The following TBCK variants were observed in gnomAD, a reference collection of about 807,000 sequenced individuals.
TBCK encodes the protein TBC1 domain containing kinase.
In TBCK, 99 loss-of-function variants were observed where a neutral mutation model predicts 113.4. The ratio of observed to expected loss-of-function variants is 0.87; its 90% CI spans 0.74 to 1.03. The LOEUF (loss-of-function observed/expected upper bound fraction) is 1.03. Ranked by LOEUF, TBCK falls within the 50% of genes least tolerant of loss-of-function variation. The pLI, the probability that TBCK is intolerant of heterozygous loss-of-function variation, is 0.00. For synonymous variants in TBCK, 369 were observed against 370.8 expected, an observed-to-expected ratio of 1.00 and a Z score of 0.05; for missense variants, 1,045 against 1,061.3, an observed-to-expected ratio of 0.98 and a Z score of 0.21.
intron 3 of TBCK, among the ~76,000 whole-genome samples, chr4:106,285,380 G>A (rs1193564231): frequency 1.3e-5 from 2 of 151,894 alleles, no homozygotes; most frequent in Non-Finnish European, 2.9e-5. Flanking sequence ...GGAGCTTCAC[G>A]ATAGGCTTAA....
At chr4:106,205,587 C>CAAAAAAAAAAAAAAA (rs70941240) in intron 20 of TBCK, among the ~76,000 whole-genome samples, 2 of 64,198 alleles carry the variant, frequency 3.1e-5, no homozygotes, top group African/African-American at 1.2e-4. Flanking sequence ...ACTAAAAATA[C>CAAAAAAAAAAAAAAA]AAAAAAAAAA....
In TBCK at chr4:106,251,834, C is replaced by A. The variant is rs764840127; in HGVS notation, c.597+32G>T. On this transcript the variant is annotated intron_variant, in intron 6 of 25. Transcript: ENST00000394708. ...ATTATTCCAATAAATGCACAATTTC[C>A]TTTTATTATATTAATATTTCTTTAT... is the stretch of plus-strand genomic sequence containing the variant. 1.8e-5 allele frequency: 26 copies of A among 1,444,278 alleles called. No individual in the cohort carries two copies. The Admixed American group carries it at 5.5e-4, about 31-fold the overall frequency. The allele number at this position is 1,444,278 out of a possible 1,614,324, so 89.5% of individuals were successfully genotyped here.
At chr4:106,168,515 T>C (rs946413584) in intron 23 of TBCK, among the ~76,000 whole-genome samples, 1 of 151,720 alleles carries the variant, frequency 6.6e-6, no homozygotes, top group African/African-American at 2.4e-5. Context: ...ACAAAGAAAA[T>C]AAGAGGTGTA....
chr4:106,236,788 T>G lies in TBCK; in HGVS notation c.1191A>C (p.Gly397=). 1 of 1,518,468 alleles carries G rather than the reference T, an allele frequency of 6.6e-7. No individual in the cohort carries two copies. Among genetic ancestry groups the G allele is most frequent in the Non-Finnish European group, 8.8e-7 (1 of 1,132,366 alleles). 94.1% of individuals were successfully genotyped at this position (1,518,468 alleles called of 1,614,324 possible). A position where few individuals can be genotyped will look rare whatever the true frequency, so the allele number is the denominator to read the frequency against. The change falls in exon 13 of 26, where the codon GGA becomes GGC. Residue 397 remains glycine, a synonymous_variant. Transcript: ENST00000394708. ...CTTCAAGTAATGGGTAAAATGCTTC[T>G]CCACCAACATCTTTCAATCTCTGTG... ...QLRNRLKDVG[G]EAFYPLLEDD...
At chr4:106,105,712 C>A (rs1742070176) in intron 24 of TBCK, among the ~76,000 whole-genome samples, 1 of 152,186 alleles carries the variant, frequency 6.6e-6, no homozygotes, top group South Asian at 2.1e-4. Flanking sequence ...AGACTCTATA[C>A]AAATACTCAT....
intron 23 of TBCK, among the ~76,000 whole-genome samples, chr4:106,151,356 C>G (rs1748465600): frequency 6.6e-6 from 1 of 151,918 alleles, no homozygotes; most frequent in Admixed American, 6.6e-5. Flanking sequence ...ACACACCCCA[C>G]CCCCACTACC....
chr4:106,219,489 T>G (rs1399470144), intron 19 of TBCK, among the ~76,000 whole-genome samples: 1 of 152,022 alleles, frequency 6.6e-6, no homozygotes, highest in Non-Finnish European at 1.5e-5. Flanking sequence ...AAAAATATAT[T>G]TTGTTGATTC....
Position 106,251,982 on chromosome 4 carries a change from C to T in TBCK, c.481G>A (p.Val161Ile). Residue 161 changes from valine (V) to isoleucine (I), a missense_variant, in exon 6 of 26, where the codon GTA (valine) becomes ATA (isoleucine). Physicochemically the swap from Val to Ile is conservative, Grantham distance 29. Coordinates refer to ENST00000394708, the MANE Select transcript of TBCK (RefSeq NM_001163435.3). The stretch of plus-strand genomic sequence containing the variant: ...GTTTTGAAAATTCCCTGTGCAATTA[C>T]CTCAGGGGCCAAGTACGAGGGATAC... Reference protein sequence around the residue: ...IGYPSYLAPEVIAQGIFKTTD... With the variant: ...IGYPSYLAPEIIAQGIFKTTD... 6.2e-7 allele frequency: 1 copy of T among 1,610,160 alleles called. No individual in the cohort carries two copies. Among genetic ancestry groups the T allele is most frequent in the South Asian group, 1.1e-5 (1 of 90,440 alleles).
At chr4:106,294,871 A>G (rs957695060) in intron 3 of TBCK, among the ~76,000 whole-genome samples, 1 of 152,130 alleles carries the variant, frequency 6.6e-6, no homozygotes, top group Non-Finnish European at 1.5e-5. Flanking sequence ...ATTTTTTGTG[A>G]AATATTTCAG....
intron 22 of TBCK, among the ~76,000 whole-genome samples, chr4:106,180,438 A>G (rs1752218934): frequency 6.6e-6 from 1 of 151,608 alleles, no homozygotes; most frequent in Non-Finnish European, 1.5e-5. Flanking sequence ...CAGAATGTGC[A>G]GTTTTGTTAC....
chr4:106,171,295 C>G lies in TBCK; in HGVS notation c.2060-25G>C, dbSNP rs372716686. On this transcript the variant is annotated intron_variant, in intron 22 of 25. Coordinates refer to ENST00000394708, the MANE Select transcript of TBCK (RefSeq NM_001163435.3). ...TCTAGATAGAAATGTTTTAAAAAAG[C>G]AAATGTATAGAATTTAGATTGCTCT... 76 of 1,571,870 alleles carry G rather than the reference C, an allele frequency of 4.8e-5. No homozygotes were observed. In the African/African-American group the frequency reaches 9.4e-4, roughly 19 times the overall value.
At chr4:106,087,958 A>T (rs1234852974) in intron 25 of TBCK, among the ~76,000 whole-genome samples, 2 of 152,220 alleles carry the variant, frequency 1.3e-5, no homozygotes, top group Admixed American at 6.5e-5. Flanking sequence ...TTAACTCAAG[A>T]TGGATTAAAG....
At chr4:106,173,117 T>A (rs1032953009) in intron 22 of TBCK, among the ~76,000 whole-genome samples, 4 of 152,166 alleles carry the variant, frequency 2.6e-5, no homozygotes, top group Non-Finnish European at 5.9e-5. Flanking sequence ...TTTCATCACC[T>A]CATATGCTAT....
In TBCK at chr4:106,046,697, G is replaced by A; in HGVS notation, c.2572-17C>T. The A allele has an allele frequency of 2.0e-6, 3 of 1,466,306 alleles. No individual in the cohort carries two copies. The highest frequency in any genetic ancestry group is 9.5e-7 in the Non-Finnish European group (1 of 1,052,296). 90.8% of individuals were successfully genotyped at this position (1,466,306 alleles called of 1,614,324 possible). ...AGCTGCAAACTGGAAAAAAAAAGAG[G>A]CAAAATTTTTAGAGGATATACAGAA... On this transcript the variant is annotated splice_polypyrimidine_tract_variant and intron_variant, in intron 25 of 25. Coordinates refer to ENST00000394708, the MANE Select transcript of TBCK (RefSeq NM_001163435.3).
chr4:106,077,987 AT>A (rs746954160), intron 25 of TBCK, among the ~76,000 whole-genome samples: 3 of 152,192 alleles, frequency 2.0e-5, no homozygotes, highest in Non-Finnish European at 2.9e-5. Flanking sequence ...ACAGCAATCA[AT>A]ACTAAGATCT....
chr4:106,290,271 G>A (rs969671992), intron 3 of TBCK, among the ~76,000 whole-genome samples: 33 of 152,020 alleles, frequency 2.2e-4, no homozygotes, highest in Non-Finnish European at 4.1e-4. Context: ...TCCGCCTCCC[G>A]GGTTCACGCC....
intron 20 of TBCK, 137 bp from the exon 21 acceptor site, chr4:106,194,891 G>A: frequency 1.2e-6 from 1 of 814,414 alleles, no homozygotes; most frequent in Non-Finnish European, 1.9e-6. Context: ...AAAAGAGAAT[G>A]TAGTGTTAAG....
At chr4:106,231,280 T>C (rs1482156556) in intron 18 of TBCK, among the ~76,000 whole-genome samples, 4 of 151,598 alleles carry the variant, frequency 2.6e-5, no homozygotes, top group Non-Finnish European at 5.9e-5. Context: ...CATTAGTATA[T>C]AAGTATTAGA....
chr4:106,117,197 T>C (rs1743624578), intron 23 of TBCK, among the ~76,000 whole-genome samples: 2 of 152,090 alleles, frequency 1.3e-5, no homozygotes, highest in African/African-American at 4.8e-5. Context: ...ATGAGAGTGC[T>C]TTAAAAAAAA....
Sources: allele counts gnomAD v4.1 joint callset (sites outside exome capture counted in the v4.1 genomes callset), GRCh38; gene constraint gnomAD v4.1.1; transcripts MANE v1.5; gene names NCBI Gene and HGNC (gene_info 2026-07-23, HGNC 2026-07-21).